The following NAALADL2 variants were observed in gnomAD, a reference collection of about 807,000 sequenced individuals.
NAALADL2 encodes inactive N-acetylated-alpha-linked acidic dipeptidase-like protein 2.
In NAALADL2, 76 loss-of-function variants were observed where a neutral mutation model predicts 87.2. That is an observed-to-expected ratio of 0.87 (90% CI 0.72 to 1.05). The LOEUF (loss-of-function observed/expected upper bound fraction) is 1.05, where lower values mean the gene tolerates loss of function less well. Among genes scored for constraint, NAALADL2 ranks in the 50% least tolerant of loss-of-function variants. The pLI, the probability that NAALADL2 is intolerant of heterozygous loss-of-function variation, is 0.00. For synonymous variants in NAALADL2, 354 were observed against 331.0 expected, an observed-to-expected ratio of 1.07 and a Z score of -0.75; for missense variants, 1,089 against 945.8, an observed-to-expected ratio of 1.15 and a Z score of -1.99.
At chr3:175,750,764 C>A (rs1746525336) in intron 12 of NAALADL2, among the ~76,000 whole-genome samples, 1 of 152,128 alleles carries the variant, frequency 6.6e-6, no homozygotes, top group South Asian at 2.1e-4. Context: ...ACTCTTCAGT[C>A]ATCCTCATGA....
intron 2 of NAALADL2, among the ~76,000 whole-genome samples, chr3:175,101,783 G>A (rs1204776524): frequency 6.6e-6 from 1 of 151,460 alleles, no homozygotes; most frequent in East Asian, 1.9e-4. Context: ...GCCTTTGACA[G>A]CTGTCGATGC....
Position 175,215,132 on chromosome 3 carries a change from G to A in NAALADL2, c.546-18799G>A, listed in dbSNP as rs577543440. On this transcript the variant is annotated intron_variant, in intron 2 of 13. Coordinates refer to ENST00000454872, the MANE Select transcript of NAALADL2 (RefSeq NM_207015.3). ...TTCTGAAATCAGTCACTATTGAGGG[G>A]TGATATGAGAGTTTCTAGTTAACTC... 4.5e-3 allele frequency among the ~76,000 whole-genome samples: 686 copies of A among 152,198 alleles called. 2 individuals carry two copies. Among genetic ancestry groups the A allele is most frequent in the African/African-American group, 0.015 (637 of 41,526 alleles).
intron 4 of NAALADL2, among the ~76,000 whole-genome samples, chr3:175,323,511 T>A (rs374084717): frequency 6.6e-6 from 1 of 151,700 alleles, no homozygotes; most frequent in African/African-American, 2.4e-5. Context: ...AAGAACCTTA[T>A]GTATGGTAGA....
chr3:174,857,767 G>A (rs1432810807), upstream of NAALADL2, among the ~76,000 whole-genome samples: 3 of 152,006 alleles, frequency 2.0e-5, no homozygotes, highest in Admixed American at 6.6e-5. Context: ...AGAGGCTCCT[G>A]GCATTATAAA....
chr3:174,771,290 C>G (rs932333707), intron 3 of NAALADL2, among the ~76,000 whole-genome samples: 5 of 152,034 alleles, frequency 3.3e-5, no homozygotes, highest in Non-Finnish European at 7.4e-5. Flanking sequence ...AATAAGAGCA[C>G]CTCCACTGTA....
intron 1 of NAALADL2, among the ~76,000 whole-genome samples, chr3:174,451,968 G>A (rs1311028575): frequency 1.4e-5 from 2 of 146,200 alleles, no homozygotes; most frequent in Non-Finnish European, 3.0e-5. Context: ...TCAGCCTCCC[G>A]AGTAGCTGGG....
chr3:174,497,964 C>T (rs1718649632), intron 1 of NAALADL2, among the ~76,000 whole-genome samples: 1 of 152,026 alleles, frequency 6.6e-6, no homozygotes. Flanking sequence ...TTAAATGGTT[C>T]AAGTGAAAAT....
At chr3:175,190,112 T>G (rs1737922033) in intron 2 of NAALADL2, among the ~76,000 whole-genome samples, 1 of 151,248 alleles carries the variant, frequency 6.6e-6, no homozygotes, top group East Asian at 2.0e-4. Flanking sequence ...CCTGGAAGAG[T>G]ACATAGGGGA....
chr3:174,709,557 A>G (rs1213889670), intron 2 of NAALADL2, among the ~76,000 whole-genome samples: 1 of 152,198 alleles, frequency 6.6e-6, no homozygotes, highest in African/African-American at 2.4e-5. Context: ...GGCTTGATCT[A>G]TGGAAATAAT....
chr3:174,696,395 T>C (rs75362725), intron 2 of NAALADL2, among the ~76,000 whole-genome samples: 2,738 of 152,034 alleles, frequency 0.018, 46 homozygotes, highest in African/African-American at 0.051. Flanking sequence ...TTCATATTTC[T>C]TGTTGTATGA....
chr3:174,495,704 T>C (rs1718489090), intron 1 of NAALADL2, among the ~76,000 whole-genome samples: 1 of 34,330 alleles, frequency 2.9e-5, no homozygotes. Flanking sequence ...GTATGTCTTT[T>C]TCTGTTGCAG....
chr3:175,732,746 C>T (rs888762845), intron 11 of NAALADL2, among the ~76,000 whole-genome samples: 1 of 152,058 alleles, frequency 6.6e-6, no homozygotes. Flanking sequence ...TTTTTCAGCA[C>T]CCCAACATTG....
At chr3:175,419,203 C>T (rs1184223108) in intron 5 of NAALADL2, among the ~76,000 whole-genome samples, 1 of 151,730 alleles carries the variant, frequency 6.6e-6, no homozygotes, top group African/African-American at 2.4e-5. Flanking sequence ...TTCAAGTATC[C>T]TTCTCAGTTG....
chr3:174,711,930 G>T (rs567179553), intron 2 of NAALADL2, among the ~76,000 whole-genome samples: 2 of 152,102 alleles, frequency 1.3e-5, no homozygotes, highest in East Asian at 1.9e-4. Flanking sequence ...CTCCCGAGTA[G>T]CTGGGACTAC....
At chr3:174,607,223 T>A (rs567939297) in intron 2 of NAALADL2, among the ~76,000 whole-genome samples, 20 of 151,992 alleles carry the variant, frequency 1.3e-4, no homozygotes, top group African/African-American at 4.3e-4. Flanking sequence ...TGCCAAAATG[T>A]AAAGACCATC....
intron 9 of NAALADL2, among the ~76,000 whole-genome samples, chr3:175,522,991 T>C (rs946616975): frequency 1.8e-4 from 27 of 152,216 alleles, no homozygotes; most frequent in African/African-American, 6.3e-4. Flanking sequence ...GAGAAGTTCT[T>C]AACCTGGGTA....
intron 1 of NAALADL2, among the ~76,000 whole-genome samples, chr3:174,938,861 T>C (rs1738124990): frequency 6.6e-6 from 1 of 152,154 alleles, no homozygotes. Context: ...TACTTTTTAA[T>C]GAGGTTGTTT....
chr3:175,376,241 C>G (rs549811448), intron 5 of NAALADL2, among the ~76,000 whole-genome samples: 6 of 150,032 alleles, frequency 4.0e-5, no homozygotes, highest in African/African-American at 1.5e-4. Flanking sequence ...CATCTGGTAA[C>G]CTTTTTCTTC....
At chr3:174,723,434 A>C (rs1457448794) in intron 2 of NAALADL2, among the ~76,000 whole-genome samples, 1 of 152,116 alleles carries the variant, frequency 6.6e-6, no homozygotes, top group Non-Finnish European at 1.5e-5. Flanking sequence ...ACGATCCAAC[A>C]AATTAGAAAA....
Sources: allele counts gnomAD v4.1 joint callset (sites outside exome capture counted in the v4.1 genomes callset), GRCh38; gene constraint gnomAD v4.1.1; transcripts MANE v1.5; gene names NCBI Gene and HGNC (gene_info 2026-07-23, HGNC 2026-07-21).